The following RB1 variants were observed in gnomAD, a reference collection of about 807,000 sequenced individuals.
RB1 encodes the protein RB transcriptional corepressor 1, also known as retinoblastoma-associated protein.
RB1 carries 18 observed loss-of-function variants against 135.4 expected under a neutral mutation model. That is an observed-to-expected ratio of 0.13 (90% confidence interval 0.09 to 0.20). RB1 has a LOEUF of 0.20. Among genes scored for constraint, RB1 ranks in the 10% least tolerant of loss-of-function variants. The pLI, the probability that RB1 is intolerant of heterozygous loss-of-function variation, is 1.00. For synonymous variants in RB1, 365 were observed against 373.2 expected, an observed-to-expected ratio of 0.98 and a Z score of 0.25; for missense variants, 868 against 1,110.0, an observed-to-expected ratio of 0.78 and a Z score of 3.10.
At chr13:48,386,943 C>T (rs1340744144) in intron 17 of RB1, among the ~76,000 whole-genome samples, 6 of 152,086 alleles carry the variant, frequency 3.9e-5, no homozygotes, top group African/African-American at 7.2e-5. Context: ...AAATTTATTT[C>T]GGTTCATTGA....
intron 23 of RB1, 110 bp from the exon 24 acceptor site, chr13:48,473,250 A>AAT: frequency 1.2e-6 from 1 of 846,542 alleles, no homozygotes; most frequent in Non-Finnish European, 1.9e-6. Flanking sequence ...GGGTAGAGGT[A>AAT]ACCTTTAATT....
At chr13:48,403,267 A>G (rs915782293) in intron 17 of RB1, among the ~76,000 whole-genome samples, 1 of 152,150 alleles carries the variant, frequency 6.6e-6, no homozygotes, top group Non-Finnish European at 1.5e-5. Context: ...AGATAATGGA[A>G]CTCAGTGTAT....
chr13:48,316,820 C>A, intron 2 of RB1: 1 of 273,936 alleles, frequency 3.7e-6, no homozygotes, highest in Non-Finnish European at 7.4e-6. Context: ...TCCACAAATG[C>A]ACGCAAACCG....
At chr13:48,308,258 G>A (rs1952102299) in intron 2 of RB1, among the ~76,000 whole-genome samples, 1 of 151,544 alleles carries the variant, frequency 6.6e-6, no homozygotes, top group African/African-American at 2.4e-5. Context: ...GCTGAGGTGG[G>A]ACGATCACTT....
At position 48,303,848 on chromosome 13, in the gene RB1, TGCGCGC is replaced by T; in HGVS notation, c.-61_-56del. The T allele has an allele frequency of 6.7e-7, 1 of 1,495,054 alleles. No individual in the cohort carries two copies. The highest frequency in any genetic ancestry group is 8.9e-7 in the Non-Finnish European group (1 of 1,129,408). 92.6% of individuals were successfully genotyped at this position (1,495,054 alleles called of 1,614,324 possible). The stretch of plus-strand genomic sequence containing the variant: ...GGAGAGGACGGGGCGTGCCCCGACG[TGCGCGC>T]GCGTCGTCCTCCCCGGCGCTCCTCC... On this transcript the variant is annotated 5_prime_UTR_variant, in exon 1 of 27. Transcript: ENST00000267163.
At chr13:48,392,127 T>C (rs928322336) in intron 17 of RB1, among the ~76,000 whole-genome samples, 1 of 152,138 alleles carries the variant, frequency 6.6e-6, no homozygotes, top group African/African-American at 2.4e-5. Context: ...TTTCTTTTTT[T>C]TGAGATGAAG....
intron 17 of RB1, among the ~76,000 whole-genome samples, chr13:48,404,715 C>T (rs1164296647): frequency 6.6e-6 from 1 of 151,792 alleles, no homozygotes; most frequent in Non-Finnish European, 1.5e-5. Flanking sequence ...TTAGTAGAGA[C>T]GGGTTTTCAC....
At chr13:48,389,847 T>C (rs1413515372) in intron 17 of RB1, 1 of 152,200 alleles carries the variant, frequency 6.6e-6, no homozygotes, top group Non-Finnish European at 1.5e-5. Flanking sequence ...ATAGTGAAAG[T>C]AGAGGTTTTA....
At position 48,381,244 on chromosome 13, in the gene RB1, TAG is replaced by T; in HGVS notation, c.1499-2_1499-1del. On this transcript the variant is annotated splice_acceptor_variant, in intron 16 of 26. Coordinates refer to ENST00000267163, the MANE Select transcript of RB1 (RefSeq NM_000321.3). LOFTEE classifies it high-confidence loss of function. Reference sequence around the variant, plus strand: ...AATAGTTACTTTTTTTTTTCATTTTTAGGAAGTACATCTCAGAATCTTGATTC... The same window carrying T: ...AATAGTTACTTTTTTTTTTCATTTTTGAAGTACATCTCAGAATCTTGATTC... The T allele has an allele frequency of 6.2e-7, 1 of 1,602,100 alleles. No individual in the cohort carries two copies. Among genetic ancestry groups the T allele is most frequent in the Non-Finnish European group, 8.5e-7 (1 of 1,174,894 alleles).
intron 2 of RB1, among the ~76,000 whole-genome samples, chr13:48,322,052 C>T (rs1952246930): frequency 6.6e-6 from 1 of 152,080 alleles, no homozygotes; most frequent in African/African-American, 2.4e-5. Flanking sequence ...TATGCAGAAA[C>T]TTTTTAGTTT....
At chr13:48,416,021 G>A (rs1031930482) in intron 17 of RB1, among the ~76,000 whole-genome samples, 3 of 151,890 alleles carry the variant, frequency 2.0e-5, no homozygotes, top group Non-Finnish European at 4.4e-5. Flanking sequence ...ATAAACTCAG[G>A]CAAACTGTTA....
At chr13:48,458,528 C>A (rs1036120638) in intron 19 of RB1, among the ~76,000 whole-genome samples, 4 of 152,146 alleles carry the variant, frequency 2.6e-5, no homozygotes, top group Admixed American at 6.5e-5. Flanking sequence ...CCAGCAGAAT[C>A]CACATCACCT....
chr13:48,351,455 G>T (rs1952546997), intron 6 of RB1, among the ~76,000 whole-genome samples: 1 of 151,754 alleles, frequency 6.6e-6, no homozygotes, highest in Non-Finnish European at 1.5e-5. Flanking sequence ...TTGCAAATTT[G>T]TCTAAATTCC....
At position 48,479,901 on chromosome 13, in the gene RB1, C is replaced by T. The variant is rs542813779; in HGVS notation, c.2714-97C>T. 150 of 896,582 alleles carry T rather than the reference C, an allele frequency of 1.7e-4. 2 individuals are homozygous for T. The highest frequency in any genetic ancestry group is 1.6e-3 in the South Asian group (111 of 71,052). 55.5% of individuals were successfully genotyped at this position (896,582 alleles called of 1,614,324 possible). ...ACCACTGCTTTTGCAAGGTCCTGAG[C>T]GCCATCAGTTTGACATGAGCATAAT... is the stretch of plus-strand genomic sequence containing the variant. On this transcript the variant is annotated intron_variant, in intron 26 of 26. Transcript: ENST00000267163.
chr13:48,368,094 T>C (rs570854850), intron 10 of RB1, among the ~76,000 whole-genome samples: 2 of 152,296 alleles, frequency 1.3e-5, no homozygotes, highest in South Asian at 4.1e-4. Context: ...TCTTTTAATA[T>C]GAAACTGAAA....
chr13:48,342,720 G>A lies in RB1; in HGVS notation c.380+6G>A, dbSNP rs762953095. ...CAGAAAAACATAGAAATCAGGTAAA[G>A]TTTCTTGTATAAATATAAGCCTCTG... On this transcript the variant is annotated splice_donor_region_variant and intron_variant, in intron 3 of 26. Transcript: ENST00000267163. 1 of 1,563,124 alleles carries A rather than the reference G, an allele frequency of 6.4e-7. No individual in the cohort carries two copies. Among genetic ancestry groups the A allele is most frequent in the South Asian group, 1.1e-5 (1 of 89,994 alleles).
At chr13:48,347,606 T>A (rs1177976692) in intron 4 of RB1, among the ~76,000 whole-genome samples, 5 of 152,100 alleles carry the variant, frequency 3.3e-5, no homozygotes, top group Non-Finnish European at 1.5e-5. Context: ...ATACCTTTTT[T>A]TTGAAGACTA....
chr13:48,437,326 A>G (rs1487639732), intron 17 of RB1, among the ~76,000 whole-genome samples: 1 of 152,222 alleles, frequency 6.6e-6, no homozygotes, highest in African/African-American at 2.4e-5. Flanking sequence ...AGAAAGAAAT[A>G]TACATATTTT....
rs1555294515 is a variant in RB1 at position 48,463,769 on chromosome 13, G to A, written c.2145G>A (p.Lys715=). The A allele has an allele frequency of 1.2e-6, 2 of 1,601,582 alleles. No homozygotes were observed. The highest frequency in any genetic ancestry group is 1.7e-6 in the Non-Finnish European group (2 of 1,168,932). The change falls in exon 21 of 27, where the codon AAG becomes AAA. Residue 715 remains lysine, a synonymous_variant. Coordinates refer to ENST00000267163, the MANE Select transcript of RB1 (RefSeq NM_000321.3). ...CCATGTATGGCATATGCAAAGTGAA[G>A]AATATAGACCTTAAATTCAAAATCA... ...MCSMYGICKV[K]NIDLKFKIIV...
Sources: allele counts gnomAD v4.1 joint callset (sites outside exome capture counted in the v4.1 genomes callset), GRCh38; gene constraint gnomAD v4.1.1; transcripts MANE v1.5; gene names NCBI Gene and HGNC (gene_info 2026-07-23, HGNC 2026-07-21).